The following MARCHF1 variants were observed in gnomAD, a reference collection of about 807,000 sequenced individuals.
MARCHF1 encodes the protein membrane associated ring-CH-type finger 1.
Under a neutral mutation model 54.2 loss-of-function variants are expected in MARCHF1, and 40 were observed. The ratio of observed to expected loss-of-function variants is 0.74; its 90% confidence interval spans 0.57 to 0.96. The LOEUF is 0.96. MARCHF1 is among the 40% of genes least tolerant of loss of function. The pLI is 0.00. For missense variants in MARCHF1, 586 were observed against 656.5 expected (o/e 0.89, Z 1.17); for synonymous variants, 236 against 236.3 (o/e 1.00, Z 0.01).
chr4:164,254,371 T>TAAAGTTAATACTTAACAAACTTAA lies in MARCHF1; in HGVS notation c.-323+129498_-323+129499insTTAAGTTTGTTAAGTATTAACTTT, dbSNP rs543650769. ...TTATATATATAAACTCCCCTTTATA[T>TAAAGTTAATACTTAACAAACTTAA]AAAGTTAATACTTAACAAACTTATA... is the stretch of plus-strand genomic sequence containing the variant. On this transcript the variant is annotated intron_variant, in intron 1 of 9. Coordinates refer to ENST00000514618, the MANE Select transcript of MARCHF1 (RefSeq NM_001394959.1). 8.4e-3 allele frequency among the ~76,000 whole-genome samples: 1,261 copies of TAAAGTTAATACTTAACAAACTTAA among 150,620 alleles called. 20 individuals are homozygous for TAAAGTTAATACTTAACAAACTTAA. The highest frequency in any genetic ancestry group is 0.029 in the African/African-American group (1,193 of 41,100).
intron 8 of MARCHF1, among the ~76,000 whole-genome samples, chr4:163,576,755 G>T (rs1160300068): frequency 6.6e-6 from 1 of 151,598 alleles, no homozygotes; most frequent in Non-Finnish European, 1.5e-5. Flanking sequence ...TATTTAGGAT[G>T]GTTAAATCTT....
chr4:164,242,462 C>A (rs1427489865), intron 1 of MARCHF1, among the ~76,000 whole-genome samples: 6 of 146,098 alleles, frequency 4.1e-5, no homozygotes, highest in African/African-American at 1.3e-4. Flanking sequence ...GACATCCACA[C>A]CAAAAACCCA....
At chr4:163,898,896 G>A (rs766045663) in intron 3 of MARCHF1, among the ~76,000 whole-genome samples, 7 of 151,898 alleles carry the variant, frequency 4.6e-5, no homozygotes, top group Non-Finnish European at 7.4e-5. Context: ...CAATATAGGT[G>A]GAGCTGGAGT....
intron 1 of MARCHF1, among the ~76,000 whole-genome samples, chr4:164,218,424 G>A (rs1731992851): frequency 6.6e-6 from 1 of 152,004 alleles, no homozygotes; most frequent in Admixed American, 6.6e-5. Context: ...AGGGGAGGTG[G>A]TGACAGGGCA....
intron 2 of MARCHF1, among the ~76,000 whole-genome samples, chr4:164,079,530 C>A (rs1026791320): frequency 1.3e-5 from 2 of 151,944 alleles, no homozygotes; most frequent in African/African-American, 4.8e-5. Flanking sequence ...TAATAGAGTT[C>A]GTATACAATT....
chr4:164,191,226 A>G (rs1295660223), intron 1 of MARCHF1, among the ~76,000 whole-genome samples: 1 of 152,236 alleles, frequency 6.6e-6, no homozygotes, highest in Non-Finnish European at 1.5e-5. Flanking sequence ...TAATCCTCAT[A>G]TAGCTGAAGT....
chr4:163,938,099 C>T (rs1579407047), intron 3 of MARCHF1, among the ~76,000 whole-genome samples: 1 of 152,130 alleles, frequency 6.6e-6, no homozygotes, highest in East Asian at 1.9e-4. Context: ...TCTCAGGCCA[C>T]CTGCTTTACA....
intron 1 of MARCHF1, chr4:164,189,367 A>T: frequency 1.6e-6 from 1 of 626,852 alleles, no homozygotes; most frequent in Non-Finnish European, 2.9e-6. Context: ...TTAAGAGCTA[A>T]ACATGGATCT....
chr4:164,033,659 C>G (rs1332474889), intron 2 of MARCHF1, among the ~76,000 whole-genome samples: 1 of 151,956 alleles, frequency 6.6e-6, no homozygotes, highest in Non-Finnish European at 1.5e-5. Flanking sequence ...ATGTAGCCAA[C>G]AAACATGAAA....
chr4:164,129,107 C>G (rs995273271), intron 1 of MARCHF1, among the ~76,000 whole-genome samples: 4 of 152,126 alleles, frequency 2.6e-5, no homozygotes, highest in African/African-American at 9.7e-5. Flanking sequence ...TTGTGAATAC[C>G]TCTCCTTGGA....
chr4:163,676,009 G>A (rs1743900141), intron 5 of MARCHF1, among the ~76,000 whole-genome samples: 1 of 144,304 alleles, frequency 6.9e-6, no homozygotes, highest in Non-Finnish European at 1.5e-5. Flanking sequence ...TACTTCATGT[G>A]ATATTATTTA....
chr4:164,268,178 A>G (rs1299971288), intron 1 of MARCHF1, among the ~76,000 whole-genome samples: 1 of 152,168 alleles, frequency 6.6e-6, no homozygotes, highest in Non-Finnish European at 1.5e-5. Flanking sequence ...TAGATTATGA[A>G]ACACATATTT....
intron 1 of MARCHF1, among the ~76,000 whole-genome samples, chr4:164,255,859 A>G (rs1205705772): frequency 2.6e-5 from 4 of 152,186 alleles, no homozygotes; most frequent in African/African-American, 7.2e-5. Context: ...TACCTAAAAA[A>G]TGAGAAATGT....
chr4:163,591,365 GT>G (rs1740588822), intron 7 of MARCHF1, among the ~76,000 whole-genome samples: 1 of 151,864 alleles, frequency 6.6e-6, no homozygotes, highest in East Asian at 1.9e-4. Flanking sequence ...ACAGCCCCTA[GT>G]TTTTCCTTCC....
intron 1 of MARCHF1, among the ~76,000 whole-genome samples, chr4:164,307,466 A>G (rs967498955): frequency 6.6e-6 from 1 of 152,214 alleles, no homozygotes; most frequent in Admixed American, 6.5e-5. Context: ...AGATGTGGCC[A>G]GTGGCCAGTA....
chr4:164,064,613 T>G (rs1234592886), intron 2 of MARCHF1, among the ~76,000 whole-genome samples: 1 of 152,182 alleles, frequency 6.6e-6, no homozygotes, highest in Non-Finnish European at 1.5e-5. Flanking sequence ...TAGTTTGAAC[T>G]CTCTTCCCAT....
chr4:163,724,976 C>G (rs1745607215), intron 4 of MARCHF1, among the ~76,000 whole-genome samples: 1 of 152,092 alleles, frequency 6.6e-6, no homozygotes, highest in Non-Finnish European at 1.5e-5. Context: ...AATGCCTCGC[C>G]CTGTTTCAGC....
chr4:163,893,140 T>TA (rs879656610), intron 3 of MARCHF1, among the ~76,000 whole-genome samples: 1 of 149,882 alleles, frequency 6.7e-6, no homozygotes, highest in African/African-American at 2.5e-5. Flanking sequence ...TTACATACTT[T>TA]AAAAAAAATT....
At chr4:163,842,902 G>T (rs960299025) in intron 4 of MARCHF1, among the ~76,000 whole-genome samples, 1 of 152,078 alleles carries the variant, frequency 6.6e-6, no homozygotes, top group Admixed American at 6.6e-5. Context: ...TGCATGTGCG[G>T]TGTGTTACAT....
Sources: gnomAD v4.1 joint callset for allele counts (sites outside exome capture counted in the v4.1 genomes callset) on GRCh38, gnomAD v4.1.1 for gene constraint, MANE v1.5 for transcripts, NCBI Gene and HGNC (gene_info 2026-07-23, HGNC 2026-07-21) for gene names.